The following CRB3 variants were observed in gnomAD, a reference collection of about 807,000 sequenced individuals.
CRB3 encodes the protein protein crumbs homolog 3.
In CRB3, 4 loss-of-function variants were observed where a neutral mutation model predicts 10.4. That is an observed-to-expected ratio of 0.39 (90% confidence interval 0.19 to 0.88). The LOEUF (loss-of-function observed/expected upper bound fraction) is 0.88, where lower values mean the gene tolerates loss of function less well. CRB3 is among the 40% of genes least tolerant of loss of function. CRB3 has a pLI of 0.39. For missense variants in CRB3, 154 were observed against 160.2 expected (o/e 0.96, Z 0.21); for synonymous variants, 74 against 73.4 (o/e 1.01, Z -0.04).
At position 6,466,728 on chromosome 19, in the gene CRB3, G is replaced by C. The variant is rs890096270; in HGVS notation, c.*56G>C. ...GCCCAGGACTGCGGGTTGCTGGCTTGTACACCGCAGCTGCCACCGAGACAC... is the reference window on the plus strand; with the variant it reads ...GCCCAGGACTGCGGGTTGCTGGCTTCTACACCGCAGCTGCCACCGAGACAC... On this transcript the variant is annotated 3_prime_UTR_variant, in exon 4 of 4. Coordinates refer to ENST00000600229, the MANE Select transcript of CRB3 (RefSeq NM_139161.5). This position sits in a 1 kb window ranked among gnomAD's most constrained non-coding sequence, Gnocchi z 4.9. 3 of 1,568,860 alleles carry C rather than the reference G, an allele frequency of 1.9e-6. No individual in the cohort carries two copies. In the Admixed American group the frequency reaches 5.5e-5, roughly 29 times the overall value.
chr19:6,464,944 G>C lies in CRB3; in HGVS notation c.82+161G>C, dbSNP rs923625742. The C allele has an allele frequency of 1.7e-5, 7 of 408,052 alleles. No homozygotes were observed. The highest frequency in any genetic ancestry group is 4.4e-5 in the Admixed American group (1 of 22,656). 25.3% of individuals were successfully genotyped at this position (408,052 alleles called of 1,614,324 possible). A position where few individuals can be genotyped will look rare whatever the true frequency, so the allele number is the denominator to read the frequency against. On this transcript the variant is annotated intron_variant, in intron 2 of 3. Coordinates refer to ENST00000600229, the MANE Select transcript of CRB3 (RefSeq NM_139161.5). This position sits in a 1 kb window ranked among gnomAD's most constrained non-coding sequence, Gnocchi z 5.3. ...GGAGGGGTCTACAGGGTTAGGGCTC[G>C]GGGGGATTAAGATTTCTAGTTTCTT...
Position 6,466,792 on chromosome 19 carries a change from T to C in CRB3, c.*120T>C, listed in dbSNP as rs2092797029. The C allele has an allele frequency of 1.4e-5, 22 of 1,550,778 alleles. No individual in the cohort carries two copies. In the South Asian group the frequency reaches 2.5e-4, roughly 18 times the overall value. ...CTCAGGAGGACTTGTGGGGAGAGGC[T>C]GGGGGCACCCATGTGGTGGGCTCTG... On this transcript the variant is annotated 3_prime_UTR_variant, in exon 4 of 4. Transcript: ENST00000600229. This position sits in a 1 kb window ranked among gnomAD's most constrained non-coding sequence, Gnocchi z 4.9.
At position 6,465,679 on chromosome 19, in the gene CRB3, T is replaced by C; in HGVS notation, c.156+61T>C. 9 of 1,395,140 alleles carry C rather than the reference T, an allele frequency of 6.5e-6. No individual in the cohort carries two copies. The South Asian group carries it at 6.9e-5, about 11-fold the overall frequency. 86.4% of individuals were successfully genotyped at this position (1,395,140 alleles called of 1,614,324 possible). A position where few individuals can be genotyped will look rare whatever the true frequency, so the allele number is the denominator to read the frequency against. ...GGATGTTATCTAGGGGTCACACATATAGCATGTAGAGAGGACTAGACACCC... is the reference window on the plus strand; with the variant it reads ...GGATGTTATCTAGGGGTCACACATACAGCATGTAGAGAGGACTAGACACCC... On this transcript the variant is annotated intron_variant, in intron 3 of 3. Transcript: ENST00000600229.
chr19:6,465,254 C>T (rs2092788564), intron 2 of CRB3: 5 of 420,150 alleles, frequency 1.2e-5, no homozygotes, highest in South Asian at 7.6e-5. Flanking sequence ...AAGCTAGGCC[C>T]GCCCAGATCC....
At chr19:6,465,652 A>C in intron 3 of CRB3, 34 bp downstream of exon 3, 1 of 1,543,132 alleles carries the variant, frequency 6.5e-7, no homozygotes, top group Non-Finnish European at 9.0e-7. Flanking sequence ...AGATGGCAGC[A>C]AGGATGTTAT....
At chr19:6,465,744 G>C (rs947153123) in intron 3 of CRB3, 126 bp downstream of exon 3, 1 of 811,042 alleles carries the variant, frequency 1.2e-6, no homozygotes, top group African/African-American at 1.7e-5. Flanking sequence ...GCTTTGGAGA[G>C]CTCTAAGTAG....
In CRB3 at chr19:6,464,807, G is replaced by T. The variant is rs555912374; in HGVS notation, c.82+24G>T. The stretch of plus-strand genomic sequence containing the variant: ...AAGTAGGTACCAGCTGAGAGCGCTG[G>T]GGGGGAGGGGTCTGGATTCCTGGAT... On this transcript the variant is annotated intron_variant, in intron 2 of 3. Transcript: ENST00000600229. This position sits in a 1 kb window ranked among gnomAD's most constrained non-coding sequence, Gnocchi z 5.3. 1.0e-4 allele frequency: 127 copies of T among 1,230,196 alleles called. No homozygotes were observed. The highest frequency in any genetic ancestry group is 2.0e-4 in the Admixed American group (5 of 25,348). The allele number at this position is 1,230,196 out of a possible 1,614,324, so 76.2% of individuals were successfully genotyped here.
intron 2 of CRB3, 43 bp from the exon 3 acceptor site, chr19:6,465,502 G>C (rs2092789902): frequency 1.3e-6 from 2 of 1,552,896 alleles, no homozygotes; most frequent in African/African-American, 1.4e-5. Flanking sequence ...GGATGGGAGA[G>C]AAAGATGGAG....
intron 2 of CRB3, 131 bp from the exon 3 acceptor site, chr19:6,465,414 G>C (rs1006996052): frequency 3.8e-6 from 3 of 781,778 alleles, no homozygotes; most frequent in Admixed American, 3.6e-5. Flanking sequence ...ATCTCTGTGC[G>C]AATGAAAGGC....
Position 6,466,833 on chromosome 19 carries a change from C to T in CRB3, c.*161C>T. On this transcript the variant is annotated 3_prime_UTR_variant, in exon 4 of 4. Coordinates refer to ENST00000600229, the MANE Select transcript of CRB3 (RefSeq NM_139161.5). This position sits in a 1 kb window ranked among gnomAD's most constrained non-coding sequence, Gnocchi z 4.9. The stretch of plus-strand genomic sequence containing the variant: ...GTGGGCTCTGTGCAGCATGTTGCCT[C>T]TGCTTGGCTGTGCCTGCAGCTCAGG... 2 of 1,557,766 alleles carry T rather than the reference C, an allele frequency of 1.3e-6. No homozygotes were observed. Among genetic ancestry groups the T allele is most frequent in the Non-Finnish European group, 1.7e-6 (2 of 1,150,336 alleles).
In CRB3 at chr19:6,464,592, C is replaced by T; in HGVS notation, c.-94-16C>T. On this transcript the variant is annotated splice_polypyrimidine_tract_variant and intron_variant, in intron 1 of 3. Transcript: ENST00000600229. The surrounding 1 kb of genome is among the most constrained non-coding windows in gnomAD (Gnocchi z 5.3). ...CCCGATCCCAACGCCTGGGCCTCTC[C>T]TTCTCCTGTCCCCAGGTGCCCCGTC... 1.6e-6 allele frequency: 1 copy of T among 625,274 alleles called. No individual in the cohort carries two copies. Among genetic ancestry groups the T allele is most frequent in the Non-Finnish European group, 2.3e-6 (1 of 434,330 alleles). The allele number at this position is 625,274 out of a possible 1,614,324, so 38.7% of individuals were successfully genotyped here.
intron 2 of CRB3, chr19:6,465,118 T>C (rs1295177232): frequency 1.0e-5 from 3 of 290,518 alleles, no homozygotes; most frequent in Non-Finnish European, 1.9e-5. Context: ...TTGGGTGAAC[T>C]GGGAGCTGGG....
chr19:6,466,961 C>G lies in CRB3; in HGVS notation c.*289C>G, dbSNP rs575132129. The G allele has an allele frequency of 6.2e-7, 1 of 1,613,972 alleles. No homozygotes were observed. Among genetic ancestry groups the G allele is most frequent in the South Asian group, 1.1e-5 (1 of 91,064 alleles). The stretch of plus-strand genomic sequence containing the variant: ...TCTCCTTTCTTTCAGTTCTCCCATG[C>G]AGCCGAGGCCCGGGCCCCTCAGGAC... On this transcript the variant is annotated 3_prime_UTR_variant, in exon 4 of 4. Transcript: ENST00000600229. The surrounding 1 kb of genome is among the most constrained non-coding windows in gnomAD (Gnocchi z 4.9).
intron 2 of CRB3, chr19:6,465,291 T>C: frequency 2.0e-6 from 1 of 506,908 alleles, no homozygotes; most frequent in East Asian, 3.3e-5. Context: ...GAGAGGTGAG[T>C]AGGGGAGGGG....
chr19:6,464,950 A>C lies in CRB3; in HGVS notation c.82+167A>C. On this transcript the variant is annotated intron_variant, in intron 2 of 3. Transcript: ENST00000600229. This position sits in a 1 kb window ranked among gnomAD's most constrained non-coding sequence, Gnocchi z 5.3. ...GTCTACAGGGTTAGGGCTCGGGGGG[A>C]TTAAGATTTCTAGTTTCTTCCTTGG... 2.5e-6 allele frequency: 1 copy of C among 402,534 alleles called. No individual in the cohort carries two copies. Among genetic ancestry groups the C allele is most frequent in the African/African-American group, 2.1e-5 (1 of 48,380 alleles). 24.9% of individuals were successfully genotyped at this position (402,534 alleles called of 1,614,324 possible). A position where few individuals can be genotyped will look rare whatever the true frequency, so the allele number is the denominator to read the frequency against.
In CRB3 at chr19:6,467,133, C is replaced by T. The variant is rs2092799605; in HGVS notation, c.*461C>T. The stretch of plus-strand genomic sequence containing the variant: ...GTGCTTAATAGCAGGGAAGAAGGTA[C>T]TTCAAAGACTCTGCCCCTGAGGTCA... On this transcript the variant is annotated 3_prime_UTR_variant, in exon 4 of 4. Coordinates refer to ENST00000600229, the MANE Select transcript of CRB3 (RefSeq NM_139161.5). 1.1e-6 allele frequency: 1 copy of T among 921,198 alleles called. No individual in the cohort carries two copies. The highest frequency in any genetic ancestry group is 1.6e-5 in the African/African-American group (1 of 60,720). The allele number at this position is 921,198 out of a possible 1,614,324, so 57.1% of individuals were successfully genotyped here. A position where few individuals can be genotyped will look rare whatever the true frequency, so the allele number is the denominator to read the frequency against.
In CRB3 at chr19:6,464,949, G is replaced by T. The variant is rs1239977202; in HGVS notation, c.82+166G>T. The T allele has an allele frequency of 4.9e-6, 2 of 404,862 alleles. No homozygotes were observed. The highest frequency in any genetic ancestry group is 8.6e-6 in the Non-Finnish European group (2 of 232,654). The allele number at this position is 404,862 out of a possible 1,614,324, so 25.1% of individuals were successfully genotyped here. ...GGTCTACAGGGTTAGGGCTCGGGGG[G>T]ATTAAGATTTCTAGTTTCTTCCTTG... On this transcript the variant is annotated intron_variant, in intron 2 of 3. Coordinates refer to ENST00000600229, the MANE Select transcript of CRB3 (RefSeq NM_139161.5). This position sits in a 1 kb window ranked among gnomAD's most constrained non-coding sequence, Gnocchi z 5.3.
At chr19:6,465,302 T>A in intron 2 of CRB3, 1 of 519,060 alleles carries the variant, frequency 1.9e-6, no homozygotes, top group East Asian at 3.2e-5. Context: ...AGGGGAGGGG[T>A]GGACTTCTGG....
chr19:6,466,450 T>C lies in CRB3; in HGVS notation c.157-16T>C, dbSNP rs777332709. The stretch of plus-strand genomic sequence containing the variant: ...TACCCAGGCTCAGGTGATTCACACC[T>C]GTCCCCTCTCTGCAGCGTCCAGAAG... On this transcript the variant is annotated splice_polypyrimidine_tract_variant and intron_variant, in intron 3 of 3. Coordinates refer to ENST00000600229, the MANE Select transcript of CRB3 (RefSeq NM_139161.5). The surrounding 1 kb of genome is among the most constrained non-coding windows in gnomAD (Gnocchi z 4.9). 1 of 1,612,274 alleles carries C rather than the reference T, an allele frequency of 6.2e-7. No individual in the cohort carries two copies. Among genetic ancestry groups the C allele is most frequent in the African/African-American group, 1.3e-5 (1 of 74,894 alleles).
Sources: allele counts gnomAD v4.1 joint callset, GRCh38; gene constraint gnomAD v4.1.1; non-coding constraint Gnocchi (gnomAD v3.1); transcripts MANE v1.5; gene names NCBI Gene and HGNC (gene_info 2026-07-23, HGNC 2026-07-21).